Variants in SUPT3H observed in about 807,000 individuals in gnomAD.
SUPT3H encodes the protein transcription initiation protein SPT3 homolog.
Under a neutral mutation model 44.3 loss-of-function variants are expected in SUPT3H, and 44 were observed. That is an observed-to-expected ratio of 0.99 (90% CI 0.78 to 1.28). The LOEUF is 1.28. SUPT3H is among the 50% of genes most tolerant of loss of function. The pLI, the probability that SUPT3H is intolerant of heterozygous loss-of-function variation, is 0.00. For synonymous variants in SUPT3H, 124 were observed against 125.6 expected (o/e 0.99, Z 0.09); for missense variants, 380 against 387.1 (o/e 0.98, Z 0.15).
chr6:45,355,463 G>T (rs575802364), intron 2 of SUPT3H, among the ~76,000 whole-genome samples: 6 of 152,072 alleles, frequency 3.9e-5, no homozygotes, highest in African/African-American at 1.4e-4. Flanking sequence ...TTCATTGGGG[G>T]TGGGGGTTAA....
intron 2 of SUPT3H, among the ~76,000 whole-genome samples, chr6:45,314,740 A>C (rs1189390931): frequency 2.0e-5 from 3 of 152,122 alleles, no homozygotes; most frequent in Non-Finnish European, 4.4e-5. Context: ...ATTCAAAGCA[A>C]TCCCCATCAA....
chr6:45,260,146 T>C (rs936592464), intron 2 of SUPT3H, among the ~76,000 whole-genome samples: 4 of 152,146 alleles, frequency 2.6e-5, no homozygotes, highest in African/African-American at 9.7e-5. Flanking sequence ...GGTATAAAAA[T>C]CAGCCCTGTA....
At chr6:45,011,957 G>C (rs535622343) in intron 5 of SUPT3H, among the ~76,000 whole-genome samples, 9 of 151,802 alleles carry the variant, frequency 5.9e-5, no homozygotes, top group Non-Finnish European at 1.2e-4. Context: ...GTTTCTCGGT[G>C]GAGAAGTTTT....
chr6:45,193,960 T>A (rs1157971825), intron 2 of SUPT3H, among the ~76,000 whole-genome samples: 1 of 152,142 alleles, frequency 6.6e-6, no homozygotes, highest in African/African-American at 2.4e-5. Flanking sequence ...TTGAACAGAG[T>A]ATATATCTGT....
chr6:45,178,647 T>C lies in SUPT3H; in HGVS notation c.102-72641A>G, dbSNP rs1220602941. ...GCACCACACCACACCTGTTCCAAAATTGACCACATAGTTGGAAGTAAAGCT... is the reference window on the plus strand; with the variant it reads ...GCACCACACCACACCTGTTCCAAAACTGACCACATAGTTGGAAGTAAAGCT... On this transcript the variant is annotated intron_variant, in intron 2 of 10. Coordinates refer to ENST00000371459, the MANE Select transcript of SUPT3H (RefSeq NM_003599.4). 3.9e-5 allele frequency among the ~76,000 whole-genome samples: 6 copies of C among 152,168 alleles called. No individual in the cohort carries two copies. The South Asian group carries it at 6.2e-4, about 16-fold the overall frequency.
intron 2 of SUPT3H, among the ~76,000 whole-genome samples, chr6:45,331,405 G>C (rs1362387648): frequency 6.6e-6 from 1 of 151,804 alleles, no homozygotes; most frequent in Non-Finnish European, 1.5e-5. Flanking sequence ...CAGCAATTGT[G>C]GTCCATATCA....
chr6:44,809,467 G>A (rs7765371), exon 12 of SUPT3H: 40,146 of 152,146 alleles, frequency 0.26, 5,580 homozygotes, highest in Non-Finnish European at 0.29. Flanking sequence ...TGACAAGGAA[G>A]TAAACAGGAA....
At chr6:45,325,631 G>T (rs1404336519) in intron 2 of SUPT3H, among the ~76,000 whole-genome samples, 1 of 150,216 alleles carries the variant, frequency 6.7e-6, no homozygotes, top group African/African-American at 2.4e-5. Context: ...AATTTTATGG[G>T]TCTTTAAAAA....
chr6:44,856,268 A>G (rs941255432), intron 10 of SUPT3H, among the ~76,000 whole-genome samples: 23 of 152,318 alleles, frequency 1.5e-4, no homozygotes, highest in African/African-American at 5.5e-4. Context: ...TCCTGCAGTC[A>G]AATGTGGCCA....
chr6:45,115,454 G>T (rs928976683), intron 2 of SUPT3H, among the ~76,000 whole-genome samples: 1 of 152,060 alleles, frequency 6.6e-6, no homozygotes, highest in African/African-American at 2.4e-5. Context: ...TGCAATACAT[G>T]TTACCATACT....
At chr6:44,988,232 T>C (rs1315114663) in intron 6 of SUPT3H, among the ~76,000 whole-genome samples, 3 of 152,134 alleles carry the variant, frequency 2.0e-5, no homozygotes, top group Admixed American at 6.6e-5. Context: ...CTAATACTGA[T>C]GATCTAGAAG....
chr6:45,236,254 G>C (rs529021168), intron 2 of SUPT3H, among the ~76,000 whole-genome samples: 128 of 152,196 alleles, frequency 8.4e-4, no homozygotes, highest in African/African-American at 2.8e-3. Flanking sequence ...CAACGTTGGG[G>C]CTCAAACCCA....
At chr6:45,328,466 T>C in intron 2 of SUPT3H, 3 of 1,477,490 alleles carry the variant, frequency 2.0e-6, no homozygotes, top group Admixed American at 1.8e-5. Flanking sequence ...AGTCAGTGAG[T>C]GCTCTCTAAC....
chr6:45,081,326 T>C (rs778484961), intron 3 of SUPT3H, among the ~76,000 whole-genome samples: 1 of 152,090 alleles, frequency 6.6e-6, no homozygotes, highest in Admixed American at 6.5e-5. Context: ...TACTCCCTGT[T>C]AATACATGGT....
At chr6:45,061,817 C>T (rs556490274) in intron 3 of SUPT3H, among the ~76,000 whole-genome samples, 19 of 151,022 alleles carry the variant, frequency 1.3e-4, no homozygotes, top group African/African-American at 4.4e-4. Context: ...GAAAATGATA[C>T]CATTGTTCTG....
chr6:45,208,555 C>T (rs1044856086), intron 2 of SUPT3H, among the ~76,000 whole-genome samples: 6 of 152,028 alleles, frequency 3.9e-5, no homozygotes, highest in African/African-American at 1.4e-4. Flanking sequence ...GAAACCCTGT[C>T]CCTACTAAAG....
chr6:44,832,862 C>CTGTT (rs1769104789), intron 10 of SUPT3H, among the ~76,000 whole-genome samples: 1 of 152,008 alleles, frequency 6.6e-6, no homozygotes, highest in Non-Finnish European at 1.5e-5. Flanking sequence ...TTTAAAGTGA[C>CTGTT]TGTTTTTTAC....
chr6:45,139,484 C>A (rs559482046), intron 2 of SUPT3H, among the ~76,000 whole-genome samples: 1 of 152,158 alleles, frequency 6.6e-6, no homozygotes, highest in East Asian at 1.9e-4. Flanking sequence ...AGCAACATAC[C>A]AGAAAAACTG....
At chr6:45,078,431 TGAAA>T (rs1159968642) in intron 3 of SUPT3H, among the ~76,000 whole-genome samples, 2 of 152,234 alleles carry the variant, frequency 1.3e-5, no homozygotes, top group Non-Finnish European at 2.9e-5. Flanking sequence ...ATTAGTTGAC[TGAAA>T]GATTTACACA....
Sources: gnomAD v4.1 joint callset for allele counts (sites outside exome capture counted in the v4.1 genomes callset) on GRCh38, gnomAD v4.1.1 for gene constraint, MANE v1.5 for transcripts, NCBI Gene and HGNC (gene_info 2026-07-23, HGNC 2026-07-21) for gene names.